The following NARS2 variants were observed in gnomAD, a reference collection of about 807,000 sequenced individuals.
NARS2 encodes asparaginyl-tRNA synthetase 2, mitochondrial.
Under a neutral mutation model 62.9 loss-of-function variants are expected in NARS2, and 60 were observed. The ratio of observed to expected loss-of-function variants is 0.95; its 90% CI spans 0.77 to 1.18. NARS2 has a LOEUF of 1.18. Among genes scored for constraint, NARS2 ranks in the 50% most tolerant of loss-of-function variants. The pLI, the probability that NARS2 is intolerant of heterozygous loss-of-function variation, is 0.00. For synonymous variants in NARS2, 196 were observed against 200.0 expected, an observed-to-expected ratio of 0.98 and a Z score of 0.17; for missense variants, 619 against 576.4, an observed-to-expected ratio of 1.07 and a Z score of -0.76.
At chr11:78,478,348 T>C (rs1859195860) in intron 9 of NARS2, 90 bp downstream of exon 9, 3 of 488,234 alleles carry the variant, frequency 6.1e-6, no homozygotes, top group Non-Finnish European at 9.9e-6. Flanking sequence ...ATAGGATCTA[T>C]ATAAGCAGAT....
intron 9 of NARS2, among the ~76,000 whole-genome samples, chr11:78,476,744 G>C (rs751748590): frequency 6.6e-6 from 1 of 152,094 alleles, no homozygotes; most frequent in African/African-American, 2.4e-5. Flanking sequence ...CGCAGCCCAA[G>C]AGGACATTTT....
intron 12 of NARS2, 124 bp from the exon 13 acceptor site, chr11:78,441,241 C>A: frequency 1.3e-6 from 1 of 776,712 alleles, no homozygotes; most frequent in South Asian, 1.9e-5. Flanking sequence ...AGCCTCTGCT[C>A]TCAAGTAATA....
At chr11:78,478,562 G>T in intron 8 of NARS2, 23 bp downstream of exon 8, 1 of 1,477,898 alleles carries the variant, frequency 6.8e-7, no homozygotes, top group Non-Finnish European at 9.4e-7. Flanking sequence ...GATGTATTGG[G>T]CTTTATCCAT....
intron 4 of NARS2, among the ~76,000 whole-genome samples, chr11:78,563,847 A>ATAT (rs1390082108): frequency 7.6e-5 from 5 of 66,024 alleles, no homozygotes; most frequent in African/African-American, 3.0e-4. Flanking sequence ...AAAAAAAAAA[A>ATAT]AAAAATATAT....
At chr11:78,511,851 G>A (rs1249366028) in intron 6 of NARS2, among the ~76,000 whole-genome samples, 5 of 152,056 alleles carry the variant, frequency 3.3e-5, no homozygotes, top group African/African-American at 1.2e-4. Context: ...TAACTGGTAT[G>A]GGCTGGTTGA....
intron 5 of NARS2, among the ~76,000 whole-genome samples, chr11:78,532,427 CAA>C (rs1259971479): frequency 6.6e-6 from 1 of 151,584 alleles, no homozygotes; most frequent in Non-Finnish European, 1.5e-5. Context: ...GCCAAGAAAA[CAA>C]AAAAAGAGAA....
chr11:78,486,719 G>A (rs563687719), intron 7 of NARS2, among the ~76,000 whole-genome samples: 3 of 152,068 alleles, frequency 2.0e-5, no homozygotes, highest in South Asian at 2.1e-4. Flanking sequence ...AAAAATTACC[G>A]GACATACAAA....
Position 78,574,460 on chromosome 11 carries a change from G to C in NARS2, c.29C>G (p.Ser10Cys). 1.2e-6 allele frequency: 2 copies of C among 1,613,604 alleles called. No homozygotes were observed. The highest frequency in any genetic ancestry group is 1.7e-6 in the Non-Finnish European group (2 of 1,179,828). ...GGGGGCGGAGGAACAGAAGCGCACGGACCGCAGCAGGCAGCGGACCCCCAG... is the reference window on the plus strand; with the variant it reads ...GGGGGCGGAGGAACAGAAGCGCACGCACCGCAGCAGGCAGCGGACCCCCAG... MLGVRCLLR[S>C]VRFCSSAPFP... The change falls in exon 1 of 14, where the codon TCC becomes TGC. Residue 10 changes from serine to cysteine, a missense_variant. By Grantham distance (112) the Ser-to-Cys change is moderately radical. Coordinates refer to ENST00000281038, the MANE Select transcript of NARS2 (RefSeq NM_024678.6).
intron 5 of NARS2, among the ~76,000 whole-genome samples, chr11:78,531,327 C>T (rs951661017): frequency 6.6e-6 from 1 of 151,824 alleles, no homozygotes; most frequent in Non-Finnish European, 1.5e-5. Context: ...TATAATAGGC[C>T]ATAAAACAGT....
intron 11 of NARS2, among the ~76,000 whole-genome samples, chr11:78,462,268 A>G (rs1230709588): frequency 6.6e-6 from 1 of 152,202 alleles, no homozygotes; most frequent in Non-Finnish European, 1.5e-5. Context: ...CTGTTTTGTA[A>G]TATAGGCTCA....
At chr11:78,535,781 C>T (rs1244922325) in intron 5 of NARS2, among the ~76,000 whole-genome samples, 4 of 152,026 alleles carry the variant, frequency 2.6e-5, no homozygotes, top group Non-Finnish European at 5.9e-5. Context: ...CCACGCCTTG[C>T]TAATTTTGTA....
rs1859202731 is a variant in NARS2, at chr11:78,478,454, T to A, written c.943A>T (p.Lys315Ter). 3.6e-6 allele frequency: 4 copies of A among 1,107,898 alleles called. No homozygotes were observed. The highest frequency in any genetic ancestry group is 5.1e-6 in the Non-Finnish European group (4 of 791,568). The allele number at this position is 1,107,898 out of a possible 1,614,324, so 68.6% of individuals were successfully genotyped here. A position where few individuals can be genotyped will look rare whatever the true frequency, so the allele number is the denominator to read the frequency against. ...GQKDRLEHML[K>*]NNFLIISYTE... ...TCTACTTACATTAAAAAGTTGTTTT[T>A]TAGCATATGTTCTAATCTGTCCTTA... The change falls in exon 9 of 14, where the codon AAA (lysine) becomes TAA (stop). Residue 315 changes from lysine (K) to a stop codon, truncating the protein, a stop_gained. Coordinates refer to ENST00000281038, the MANE Select transcript of NARS2 (RefSeq NM_024678.6). LOFTEE classifies it high-confidence loss of function.
At chr11:78,500,328 C>T (rs1465767013) in intron 6 of NARS2, among the ~76,000 whole-genome samples, 2 of 152,104 alleles carry the variant, frequency 1.3e-5, no homozygotes, top group Admixed American at 1.3e-4. Flanking sequence ...ATATAAATGT[C>T]ATGGAGGTTA....
intron 4 of NARS2, among the ~76,000 whole-genome samples, 200 bp from the exon 5 acceptor site, chr11:78,559,819 C>G (rs556251570): frequency 6.6e-6 from 1 of 152,286 alleles, no homozygotes; most frequent in African/African-American, 2.4e-5. Flanking sequence ...AATTCAGGAA[C>G]ACACTTAGAC....
intron 12 of NARS2, among the ~76,000 whole-genome samples, chr11:78,442,018 A>G (rs909238771): frequency 3.9e-5 from 6 of 152,252 alleles, no homozygotes; most frequent in African/African-American, 1.4e-4. Context: ...GAAAACATGA[A>G]GAGCAGCCAT....
At position 78,510,215 on chromosome 11, in the gene NARS2, T is replaced by TGCTTGCAGGGTC. The variant is rs1373974612; in HGVS notation, c.690-17021_690-17020insGACCCTGCAAGC. On this transcript the variant is annotated intron_variant, in intron 6 of 13. Coordinates refer to ENST00000281038, the MANE Select transcript of NARS2 (RefSeq NM_024678.6). ...GAATGGATTTTTTAAAATGACCCAATTATATGCTGTCTATAAAAGATTCAC... is the reference window on the plus strand; with the variant it reads ...GAATGGATTTTTTAAAATGACCCAATGCTTGCAGGGTCTATATGCTGTCTATAAAAGATTCAC... Among the ~76,000 whole-genome samples, 53 of 152,258 alleles carry TGCTTGCAGGGTC rather than the reference T, an allele frequency of 3.5e-4. No individual in the cohort carries two copies. The East Asian group carries it at 9.4e-3, about 27-fold the overall frequency.
At chr11:78,443,198 C>T (rs916770728) in intron 12 of NARS2, among the ~76,000 whole-genome samples, 15 of 151,534 alleles carry the variant, frequency 9.9e-5, no homozygotes, top group East Asian at 3.9e-4. Flanking sequence ...TGGTGGCGGG[C>T]GCCTGTAGTC....
At chr11:78,515,497 T>C (rs1860873351) in intron 6 of NARS2, among the ~76,000 whole-genome samples, 1 of 152,170 alleles carries the variant, frequency 6.6e-6, no homozygotes, top group South Asian at 2.1e-4. Context: ...TTTGTGATCA[T>C]AGTAAAAACG....
intron 4 of NARS2, among the ~76,000 whole-genome samples, chr11:78,564,728 A>C (rs1347951136): frequency 6.6e-6 from 1 of 152,264 alleles, no homozygotes; most frequent in East Asian, 1.9e-4. Flanking sequence ...CTGAAAATCC[A>C]CATGGAAGCT....
Sources: allele counts gnomAD v4.1 joint callset (sites outside exome capture counted in the v4.1 genomes callset), GRCh38; gene constraint gnomAD v4.1.1; transcripts MANE v1.5; gene names NCBI Gene and HGNC (gene_info 2026-07-23, HGNC 2026-07-21).